CENPO: variants seen among roughly 807,000 people sequenced by gnomAD.
The protein encoded by CENPO is centromere protein O, also known as centromeric protein O.
Under a neutral mutation model 36.1 loss-of-function variants are expected in CENPO, and 30 were observed. That is an observed-to-expected ratio of 0.83 (90% CI 0.62 to 1.13). CENPO has a LOEUF of 1.13. Ranked by LOEUF, CENPO falls within the 50% of genes most tolerant of loss-of-function variation. The pLI, the probability that CENPO is intolerant of heterozygous loss-of-function variation, is 0.00. For missense variants in CENPO, 349 were observed against 357.8 expected (o/e 0.98, Z 0.20); for synonymous variants, 171 against 142.3 (o/e 1.20, Z -1.44).
intron 7 of CENPO, among the ~76,000 whole-genome samples, chr2:24,818,405 T>A (rs994351144): frequency 2.3e-4 from 35 of 152,306 alleles, no homozygotes; most frequent in Non-Finnish European, 4.4e-4. Flanking sequence ...AGGAAAGTAT[T>A]TTTAGCTTTT....
chr2:24,821,420 C>G lies in CENPO; in HGVS notation c.*2102C>G. The G allele has an allele frequency of 5.2e-6, 8 of 1,526,616 alleles. No individual in the cohort carries two copies. The highest frequency in any genetic ancestry group is 7.1e-6 in the Non-Finnish European group (8 of 1,128,668). 94.6% of individuals were successfully genotyped at this position (1,526,616 alleles called of 1,614,324 possible). Reference sequence around the variant, plus strand: ...GCGTGAACCTCCCCACCCGAATTGCCTCAGTTGTCCTGAGCCTCATGTCTC... The same window carrying G: ...GCGTGAACCTCCCCACCCGAATTGCGTCAGTTGTCCTGAGCCTCATGTCTC... On this transcript the variant is annotated 3_prime_UTR_variant, in exon 8 of 8. Coordinates refer to ENST00000380834, the MANE Select transcript of CENPO (RefSeq NM_001322101.2).
chr2:24,817,637 A>G (rs1208411262), intron 6 of CENPO, 33 bp from the exon 7 acceptor site: 7 of 1,613,864 alleles, frequency 4.3e-6, no homozygotes, highest in Non-Finnish European at 5.1e-6. Flanking sequence ...CCCCAGCTGC[A>G]CTGAATGAGA....
chr2:24,804,776 A>T (rs1018159068), intron 3 of CENPO, among the ~76,000 whole-genome samples: 2 of 151,936 alleles, frequency 1.3e-5, no homozygotes, highest in African/African-American at 4.8e-5. Flanking sequence ...CTTCATTTCA[A>T]CTTTGGTGAA....
chr2:24,817,496 T>G (rs1667004193), intron 6 of CENPO, among the ~76,000 whole-genome samples, 174 bp from the exon 7 acceptor site: 7 of 120,354 alleles, frequency 5.8e-5, no homozygotes, highest in African/African-American at 9.8e-5. Context: ...GTCCAGTGGG[T>G]CCAGAATATC....
chr2:24,793,657 G>T (rs1665737117), intron 1 of CENPO, 156 bp downstream of exon 1: 1 of 1,233,524 alleles, frequency 8.1e-7, no homozygotes, highest in Admixed American at 2.8e-5. Context: ...GGGGCCGCGG[G>T]ATGGGCGCGG....
At chr2:24,806,074 T>C (rs1415778963) in intron 3 of CENPO, among the ~76,000 whole-genome samples, 1 of 152,216 alleles carries the variant, frequency 6.6e-6, no homozygotes, top group Non-Finnish European at 1.5e-5. Context: ...GATCTCAGCC[T>C]GTTGTGCTAG....
chr2:24,820,278 C>G lies in CENPO; in HGVS notation c.*960C>G. 7.3e-6 allele frequency: 9 copies of G among 1,240,492 alleles called. No homozygotes were observed. Among genetic ancestry groups the G allele is most frequent in the East Asian group, 2.9e-5 (1 of 34,316 alleles). 76.8% of individuals were successfully genotyped at this position (1,240,492 alleles called of 1,614,324 possible). A position where few individuals can be genotyped will look rare whatever the true frequency, so the allele number is the denominator to read the frequency against. On this transcript the variant is annotated 3_prime_UTR_variant, in exon 8 of 8. Transcript: ENST00000380834. ...GCCAAGCCCTTCCACCCGTGGCGAG[C>G]AGCGGGTGGGAAGGAGAACCCTGGA...
intron 4 of CENPO, among the ~76,000 whole-genome samples, chr2:24,815,071 C>T (rs1005819650): frequency 6.6e-6 from 1 of 151,920 alleles, no homozygotes; most frequent in Non-Finnish European, 1.5e-5. Context: ...GACCTCATCT[C>T]TACTAAAAAT....
chr2:24,815,403 A>G (rs1666893995), intron 4 of CENPO, 94 bp from the exon 5 acceptor site: 3 of 903,344 alleles, frequency 3.3e-6, no homozygotes, highest in Non-Finnish European at 3.6e-6. Context: ...CAAAGTGTAC[A>G]TATTCTAGGC....
intron 2 of CENPO, among the ~76,000 whole-genome samples, chr2:24,796,593 G>A (rs1037550600): frequency 2.0e-5 from 3 of 152,116 alleles, no homozygotes; most frequent in African/African-American, 7.2e-5. Flanking sequence ...TGGGAGGATC[G>A]CTTGAGCTTA....
intron 3 of CENPO, 41 bp downstream of exon 3, chr2:24,799,885 A>G (rs751679875): frequency 6.2e-7 from 1 of 1,600,188 alleles, no homozygotes; most frequent in South Asian, 1.1e-5. Context: ...TTAGAGTATA[A>G]TGAACAAACG....
chr2:24,809,479 C>G (rs1309281323), intron 3 of CENPO, among the ~76,000 whole-genome samples: 1 of 152,054 alleles, frequency 6.6e-6, no homozygotes, highest in Non-Finnish European at 1.5e-5. Context: ...AATTTTCCCT[C>G]TAACCACAGG....
At position 24,820,079 on chromosome 2, in the gene CENPO, G is replaced by C. The variant is rs762117912; in HGVS notation, c.*761G>C. The C allele has an allele frequency of 6.4e-7, 1 of 1,563,498 alleles. No homozygotes were observed. Among genetic ancestry groups the C allele is most frequent in the Non-Finnish European group, 8.7e-7 (1 of 1,153,942 alleles). On this transcript the variant is annotated 3_prime_UTR_variant, in exon 8 of 8. Transcript: ENST00000380834. ...GGCCTCGCCTCACAAAGCGGAAGCC[G>C]TACTCTCGGAGGATGACTTGGGTTT...
Position 24,799,806 on chromosome 2 carries a change from G to A in CENPO, c.178G>A (p.Asp60Asn). Residue 60 changes from aspartate (D) to asparagine (N), a missense_variant, in exon 3 of 8, where the codon GAT (aspartate) becomes AAT (asparagine). Physicochemically the swap from Asp to Asn is conservative, Grantham distance 23. Coordinates refer to ENST00000380834, the MANE Select transcript of CENPO (RefSeq NM_001322101.2). ...GATTCATAAACTAAGGCGTCTGCGA[G>A]ATGAGCTGAGGGCTGTGGTGCGGCA... ...TKIHKLRRLR[D>N]ELRAVVRHRR... is the part of the protein sequence containing the mutation. 6.2e-7 allele frequency: 1 copy of A among 1,613,726 alleles called. No individual in the cohort carries two copies. The highest frequency in any genetic ancestry group is 8.5e-7 in the Non-Finnish European group (1 of 1,180,016).
At chr2:24,804,895 C>A (rs186186945) in intron 3 of CENPO, among the ~76,000 whole-genome samples, 1 of 152,180 alleles carries the variant, frequency 6.6e-6, no homozygotes, top group Non-Finnish European at 1.5e-5. Flanking sequence ...TGGGGAAGTT[C>A]TCCTGGATAA....
chr2:24,821,105 G>T lies in CENPO; in HGVS notation c.*1787G>T. The T allele has an allele frequency of 2.0e-6, 1 of 494,616 alleles. No homozygotes were observed. The highest frequency in any genetic ancestry group is 3.6e-6 in the Non-Finnish European group (1 of 280,916). The allele number at this position is 494,616 out of a possible 1,614,324, so 30.6% of individuals were successfully genotyped here. ...GTAGTGGCCAGCTTCTAACACAGCT[G>T]GTATTTCAAGTCTCCTGGGACCTCA... On this transcript the variant is annotated 3_prime_UTR_variant, in exon 8 of 8. Coordinates refer to ENST00000380834, the MANE Select transcript of CENPO (RefSeq NM_001322101.2).
At chr2:24,815,449 C>T in intron 4 of CENPO, 48 bp from the exon 5 acceptor site, 1 of 1,548,674 alleles carries the variant, frequency 6.5e-7, no homozygotes, top group Non-Finnish European at 8.9e-7. Flanking sequence ...ATGAGTAAGA[C>T]ATCACCTTGG....
intron 3 of CENPO, among the ~76,000 whole-genome samples, chr2:24,805,338 C>G (rs992327473): frequency 6.6e-6 from 1 of 152,230 alleles, no homozygotes; most frequent in Non-Finnish European, 1.5e-5. Context: ...CAAAGTCATT[C>G]TCCGTCCAGC....
At position 24,812,004 on chromosome 2, in the gene CENPO, C is replaced by T. The variant is rs141535718; in HGVS notation, c.217-2372C>T. On this transcript the variant is annotated intron_variant, in intron 3 of 7. Transcript: ENST00000380834. Reference sequence around the variant, plus strand: ...GTCAACATTCCTTTAGTGTTAGACACATATTTACCCTTTTCAGTGCTCTTC... The same window carrying T: ...GTCAACATTCCTTTAGTGTTAGACATATATTTACCCTTTTCAGTGCTCTTC... 4.8e-3 allele frequency among the ~76,000 whole-genome samples: 730 copies of T among 152,322 alleles called. 8 individuals are homozygous for T. The highest frequency in any genetic ancestry group is 0.016 in the African/African-American group (662 of 41,564).
Sources: gnomAD v4.1 joint callset for allele counts (sites outside exome capture counted in the v4.1 genomes callset) on GRCh38, gnomAD v4.1.1 for gene constraint, MANE v1.5 for transcripts, NCBI Gene and HGNC (gene_info 2026-07-23, HGNC 2026-07-21) for gene names.